GRM5: variants seen among roughly 807,000 people sequenced by gnomAD.
GRM5 encodes glutamate metabotropic receptor 5, also known as metabotropic glutamate receptor 5.
In GRM5, 19 loss-of-function variants were observed where a neutral mutation model predicts 83.1. That is an observed-to-expected ratio of 0.23 (90% CI 0.16 to 0.34). The LOEUF (loss-of-function observed/expected upper bound fraction) is 0.34, where lower values mean the gene tolerates loss of function less well. Ranked by LOEUF, GRM5 falls within the 10% of genes least tolerant of loss-of-function variation. GRM5 has a pLI of 1.00. For missense variants in GRM5, 1,160 were observed against 1,588.3 expected (o/e 0.73, Z 4.58); for synonymous variants, 675 against 633.6 (o/e 1.07, Z -0.98).
At chr11:88,835,616 A>C (rs1944080419) in intron 3 of GRM5, among the ~76,000 whole-genome samples, 1 of 152,172 alleles carries the variant, frequency 6.6e-6, no homozygotes, top group South Asian at 2.1e-4. Context: ...ACACAATTAC[A>C]CTTGTTTTAC....
intron 1 of GRM5, among the ~76,000 whole-genome samples, chr11:89,053,500 A>G (rs1322348953): frequency 6.6e-6 from 1 of 152,212 alleles, no homozygotes; most frequent in Non-Finnish European, 1.5e-5. Context: ...AGCATCACTC[A>G]TGTGTTTTCT....
At chr11:88,865,797 A>G (rs1468238262) in intron 2 of GRM5, among the ~76,000 whole-genome samples, 1 of 152,162 alleles carries the variant, frequency 6.6e-6, no homozygotes, top group Non-Finnish European at 1.5e-5. Context: ...GCCAACAAAC[A>G]TATGAAAAAA....
intron 3 of GRM5, among the ~76,000 whole-genome samples, chr11:88,769,538 C>T (rs886908931): frequency 2.0e-5 from 3 of 151,864 alleles, no homozygotes; most frequent in African/African-American, 4.8e-5. Context: ...AAAAGATGAG[C>T]CTGGAGCATG....
At chr11:88,581,933 C>T (rs1349931200) in intron 7 of GRM5, among the ~76,000 whole-genome samples, 2 of 152,078 alleles carry the variant, frequency 1.3e-5, no homozygotes, top group Non-Finnish European at 2.9e-5. Context: ...ATCTTATTTT[C>T]ACATACATGA....
At chr11:88,988,511 G>A (rs1357830576) in intron 2 of GRM5, among the ~76,000 whole-genome samples, 13 of 152,040 alleles carry the variant, frequency 8.6e-5, no homozygotes, top group African/African-American at 2.2e-4. Context: ...TACAGAGAAC[G>A]CCACAAAGAT....
At chr11:88,819,885 G>C (rs767239117) in intron 3 of GRM5, among the ~76,000 whole-genome samples, 1 of 152,020 alleles carries the variant, frequency 6.6e-6, no homozygotes, top group Non-Finnish European at 1.5e-5. Context: ...GAGAGAGAAA[G>C]GAAAGGGGCT....
chr11:89,009,097 A>T lies in GRM5; in HGVS notation c.661+38115T>A, dbSNP rs113899356. 7,282 of 734,298 alleles carry T rather than the reference A, an allele frequency of 9.9e-3. 357 individuals carry two copies. The African/African-American group carries it at 0.11, about 11-fold the overall frequency. 45.5% of individuals were successfully genotyped at this position (734,298 alleles called of 1,614,324 possible). A position where few individuals can be genotyped will look rare whatever the true frequency, so the allele number is the denominator to read the frequency against. On this transcript the variant is annotated intron_variant, in intron 2 of 9. Coordinates refer to ENST00000305447, the MANE Select transcript of GRM5 (RefSeq NM_001143831.3). The stretch of plus-strand genomic sequence containing the variant: ...GCATCTCTTCCTTCTTTGTCCCTCT[A>T]CCTAAAAATAAAAATAAAAAACCTT...
intron 2 of GRM5, among the ~76,000 whole-genome samples, chr11:88,984,523 C>T (rs1439241810): frequency 6.6e-6 from 1 of 152,052 alleles, no homozygotes; most frequent in African/African-American, 2.4e-5. Flanking sequence ...GAAAGTATTT[C>T]CACTGTTAAG....
intron 3 of GRM5, among the ~76,000 whole-genome samples, chr11:88,781,127 GTA>G (rs59273026): frequency 0.26 from 37,496 of 145,070 alleles, 5,140 homozygotes; most frequent in South Asian, 0.53. Context: ...ACATATATAT[GTA>G]TATATATATA....
In GRM5 at chr11:88,850,029, T is replaced by G. The variant is rs753432754; in HGVS notation, c.788A>C (p.Lys263Thr). Residue 263 changes from lysine to threonine, a missense_variant, in exon 3 of 10, where the codon AAG becomes ACG. Lys to Thr is a moderately conservative substitution (Grantham distance 78). Coordinates refer to ENST00000305447, the MANE Select transcript of GRM5 (RefSeq NM_001143831.3). The stretch of plus-strand genomic sequence containing the variant: ...GGCCTTGGGCAAGTGACTTGTGAGC[T>G]TCTTCAGCAGCTTATCAAAGCTCTG... Reference protein sequence around the residue: ...GEQSFDKLLKKLTSHLPKARV... With the variant: ...GEQSFDKLLKTLTSHLPKARV... The G allele has an allele frequency of 6.2e-7, 1 of 1,612,528 alleles. No individual in the cohort carries two copies. The highest frequency in any genetic ancestry group is 8.5e-7 in the Non-Finnish European group (1 of 1,178,706).
intron 3 of GRM5, among the ~76,000 whole-genome samples, chr11:88,845,583 G>A (rs1944289499): frequency 6.6e-6 from 1 of 151,652 alleles, no homozygotes; most frequent in Non-Finnish European, 1.5e-5. Flanking sequence ...ACAGGCGCAC[G>A]CCGCGACACC....
At chr11:88,784,148 G>A (rs1042069673) in intron 3 of GRM5, among the ~76,000 whole-genome samples, 1 of 152,020 alleles carries the variant, frequency 6.6e-6, no homozygotes, top group Non-Finnish European at 1.5e-5. Flanking sequence ...TAGCAGGTAG[G>A]TTAGAAAATA....
chr11:88,893,027 T>C (rs1945172902), intron 2 of GRM5, among the ~76,000 whole-genome samples: 1 of 151,888 alleles, frequency 6.6e-6, no homozygotes, highest in African/African-American at 2.4e-5. Context: ...CTCCCTCTAC[T>C]ATTCACAGTA....
At chr11:88,809,192 T>C (rs1332411540) in intron 3 of GRM5, among the ~76,000 whole-genome samples, 1 of 151,986 alleles carries the variant, frequency 6.6e-6, no homozygotes, top group Non-Finnish European at 1.5e-5. Flanking sequence ...AATTGAAAAA[T>C]AATCTCATCG....
At chr11:88,933,403 T>C (rs1393949621) in intron 2 of GRM5, among the ~76,000 whole-genome samples, 2 of 151,808 alleles carry the variant, frequency 1.3e-5, no homozygotes, top group Non-Finnish European at 2.9e-5. Flanking sequence ...CCTGACTTAC[T>C]GTTCATTGCT....
chr11:88,541,662 A>G (rs1942270628), intron 8 of GRM5, among the ~76,000 whole-genome samples: 1 of 152,220 alleles, frequency 6.6e-6, no homozygotes, highest in African/African-American at 2.4e-5. Context: ...TATTGTTATG[A>G]ATAACTTATA....
chr11:88,549,583 T>C (rs946228109), intron 8 of GRM5, among the ~76,000 whole-genome samples: 17 of 151,988 alleles, frequency 1.1e-4, no homozygotes, highest in Non-Finnish European at 1.9e-4. Context: ...ATAGTATGTG[T>C]TTGGAGGCTA....
chr11:88,622,015 C>G (rs1015775597), intron 4 of GRM5, among the ~76,000 whole-genome samples: 5 of 152,142 alleles, frequency 3.3e-5, no homozygotes, highest in African/African-American at 1.2e-4. Context: ...ATGAAGCTCC[C>G]TCTTCTGAGT....
intron 2 of GRM5, among the ~76,000 whole-genome samples, chr11:88,918,694 GACAT>G (rs1945636439): frequency 6.6e-6 from 1 of 151,892 alleles, no homozygotes; most frequent in Non-Finnish European, 1.5e-5. Flanking sequence ...AACTTTTAAA[GACAT>G]ACATAGTATA....
Sources: gnomAD v4.1 joint callset for allele counts (sites outside exome capture counted in the v4.1 genomes callset) on GRCh38, gnomAD v4.1.1 for gene constraint, MANE v1.5 for transcripts, NCBI Gene and HGNC (gene_info 2026-07-23, HGNC 2026-07-21) for gene names.